The following MED20 variants were observed in gnomAD, a reference collection of about 807,000 sequenced individuals.
MED20 encodes the protein mediator of RNA polymerase II transcription subunit 20.
Under a neutral mutation model 19.7 loss-of-function variants are expected in MED20, and 19 were observed. The observed-to-expected ratio is 0.96, with a 90% confidence interval of 0.67 to 1.42. The LOEUF (loss-of-function observed/expected upper bound fraction) is 1.42, where lower values mean the gene tolerates loss of function less well. Ranked by LOEUF, MED20 falls within the 40% of genes most tolerant of loss-of-function variation. MED20 has a pLI of 0.00. For synonymous variants in MED20, 105 were observed against 104.8 expected (o/e 1.00, Z -0.01); for missense variants, 225 against 273.0 (o/e 0.82, Z 1.24).
In MED20 at chr6:41,907,111, G is replaced by A; in HGVS notation, c.600C>T (p.Ile200=). 6.2e-7 allele frequency: 1 copy of A among 1,614,002 alleles called. No homozygotes were observed. Among genetic ancestry groups the A allele is most frequent in the Non-Finnish European group, 8.5e-7 (1 of 1,180,016 alleles). Reference sequence around the variant, plus strand: ...CCACCGGCACCTGCTGCTGCTTGCGGATCTTGTTGAAGAGTTCCATGTACT... The same window carrying A: ...CCACCGGCACCTGCTGCTGCTTGCGAATCTTGTTGAAGAGTTCCATGTACT... ...MVQYMELFNK[I]RKQQQVPVAG... Residue 200 remains isoleucine, a synonymous_variant, in exon 4 of 4, where the codon ATC becomes ATT. Transcript: ENST00000265350.
At chr6:41,909,768 G>A (rs1195034566) in intron 2 of MED20, among the ~76,000 whole-genome samples, 3 of 152,186 alleles carry the variant, frequency 2.0e-5, no homozygotes, top group Non-Finnish European at 4.4e-5. Flanking sequence ...GGCACACAGG[G>A]AACTTTAATA....
At chr6:41,912,121 TC>T (rs1339338527) in intron 2 of MED20, among the ~76,000 whole-genome samples, 1 of 150,350 alleles carries the variant, frequency 6.7e-6, no homozygotes, top group Non-Finnish European at 1.5e-5. Flanking sequence ...TGAACACAGC[TC>T]ACTGAAGCCT....
Position 41,921,104 on chromosome 6 carries a change from C to G in MED20, c.-86G>C. ...CACAGAAACTCCTTCAGTTCCCCAA[C>G]ACAACCTTCTGTCTCAGAAGGGACT... On this transcript the variant is annotated 5_prime_UTR_variant, in exon 1 of 4. Coordinates refer to ENST00000265350, the MANE Select transcript of MED20 (RefSeq NM_004275.5). 1 of 1,554,874 alleles carries G rather than the reference C, an allele frequency of 6.4e-7. No homozygotes were observed. The highest frequency in any genetic ancestry group is 8.8e-7 in the Non-Finnish European group (1 of 1,138,682).
In MED20 at chr6:41,907,176, T is replaced by C; in HGVS notation, c.535A>G (p.Arg179Gly). Residue 179 changes from arginine (R) to glycine (G), a missense_variant, in exon 4 of 4, where the codon AGA becomes GGA. Coordinates refer to ENST00000265350, the MANE Select transcript of MED20 (RefSeq NM_004275.5). Reference protein sequence around the residue: ...TPGAPAVFGNRHDAVYGPADT... With the variant: ...TPGAPAVFGNGHDAVYGPADT... ...GCTGGGCCGTAGACCGCATCATGTC[T>C]GTTCCCAAACACTGCGGGAGCCCCT... 1.9e-6 allele frequency: 3 copies of C among 1,614,150 alleles called. No individual in the cohort carries two copies. In the South Asian group the frequency reaches 3.3e-5, roughly 18 times the overall value.
Position 41,905,703 on chromosome 6 carries a change from G to C in MED20, c.*1369C>G, listed in dbSNP as rs1775028845. The C allele has an allele frequency of 6.6e-6, 1 of 152,274 alleles. No homozygotes were observed. The highest frequency in any genetic ancestry group is 1.9e-4 in the East Asian group (1 of 5,202). The allele number at this position is 152,274 out of a possible 1,614,324, so 9.4% of individuals were successfully genotyped here. A position where few individuals can be genotyped will look rare whatever the true frequency, so the allele number is the denominator to read the frequency against. ...GTTAACCTGGATGAATATTTCTGCA[G>C]CAGGCATGGGGTAGGCAGGCAATAT... On this transcript the variant is annotated 3_prime_UTR_variant, in exon 4 of 4. Transcript: ENST00000265350.
intron 1 of MED20, among the ~76,000 whole-genome samples, chr6:41,920,352 G>A (rs937457973): frequency 6.6e-6 from 1 of 152,248 alleles, no homozygotes; most frequent in Non-Finnish European, 1.5e-5. Flanking sequence ...GATGGCTGAG[G>A]GAAGAGCAGG....
Position 41,909,474 on chromosome 6 carries a change from A to T in MED20, c.218T>A (p.Leu73Ter). The change falls in exon 3 of 4, where the codon TTG becomes TAG. Residue 73 changes from leucine (L) to a stop codon, truncating the protein, a stop_gained. Transcript: ENST00000265350. LOFTEE classifies it high-confidence loss of function. ...MYVMHNSEYP[L>*]SCFALFENGP... is the part of the protein sequence containing the mutation. ...ATTCTCAAAGAGGGCGAAACAGCTC[A>T]ATGGGTACTCTGAGTTGTGCATCAC... 1 of 1,614,258 alleles carries T rather than the reference A, an allele frequency of 6.2e-7. No homozygotes were observed. The highest frequency in any genetic ancestry group is 8.5e-7 in the Non-Finnish European group (1 of 1,180,044).
intron 2 of MED20, among the ~76,000 whole-genome samples, chr6:41,916,066 G>A (rs750044483): frequency 6.6e-6 from 1 of 151,670 alleles, no homozygotes; most frequent in Non-Finnish European, 1.5e-5. Flanking sequence ...GGTCAACATA[G>A]GGAGACCCTG....
At chr6:41,916,990 C>A in intron 1 of MED20, 51 bp from the exon 2 acceptor site, 2 of 1,601,102 alleles carry the variant, frequency 1.2e-6, no homozygotes, top group South Asian at 2.2e-5. Flanking sequence ...CACGTGTGCT[C>A]ACTGAGCCAT....
At chr6:41,911,004 G>A (rs193059801) in intron 2 of MED20, among the ~76,000 whole-genome samples, 14 of 151,682 alleles carry the variant, frequency 9.2e-5, no homozygotes, top group Non-Finnish European at 1.9e-4. Flanking sequence ...AGCTACTCGG[G>A]AGGCTGAGGC....
intron 1 of MED20, among the ~76,000 whole-genome samples, chr6:41,919,009 G>A (rs1326139946): frequency 1.3e-5 from 2 of 148,280 alleles, no homozygotes; most frequent in African/African-American, 2.5e-5. Flanking sequence ...GGCGCCTGTA[G>A]TCCCAGCTAC....
Position 41,906,480 on chromosome 6 carries a change from G to A in MED20, c.*592C>T, listed in dbSNP as rs368613754. 2.6e-5 allele frequency: 4 copies of A among 152,728 alleles called. No individual in the cohort carries two copies. In the East Asian group the frequency reaches 7.7e-4, roughly 29 times the overall value. 9.5% of individuals were successfully genotyped at this position (152,728 alleles called of 1,614,324 possible). ...GCTTAACATATTTCACAACAGAAGGGAAAGATGTCAGAAGGAGATTTCAAA... is the reference window on the plus strand; with the variant it reads ...GCTTAACATATTTCACAACAGAAGGAAAAGATGTCAGAAGGAGATTTCAAA... On this transcript the variant is annotated 3_prime_UTR_variant, in exon 4 of 4. Transcript: ENST00000265350.
At chr6:41,914,453 A>G (rs1775266100) in intron 2 of MED20, among the ~76,000 whole-genome samples, 1 of 152,220 alleles carries the variant, frequency 6.6e-6, no homozygotes, top group Non-Finnish European at 1.5e-5. Flanking sequence ...GGAAACAGTA[A>G]CAGATAGGTT....
intron 2 of MED20, among the ~76,000 whole-genome samples, chr6:41,914,671 A>T (rs1775271364): frequency 6.6e-6 from 1 of 151,918 alleles, no homozygotes. Context: ...GTGAGCTGTG[A>T]TCATGCTACT....
chr6:41,906,959 G>C lies in MED20; in HGVS notation c.*113C>G, dbSNP rs2127373128. On this transcript the variant is annotated 3_prime_UTR_variant, in exon 4 of 4. Coordinates refer to ENST00000265350, the MANE Select transcript of MED20 (RefSeq NM_004275.5). ...GCCACAGCTGAGAACCAGAGAAGGAGAGTAGAGTCCATGTCTACCCTGGGT... is the reference window on the plus strand; with the variant it reads ...GCCACAGCTGAGAACCAGAGAAGGACAGTAGAGTCCATGTCTACCCTGGGT... 1 of 895,130 alleles carries C rather than the reference G, an allele frequency of 1.1e-6. No individual in the cohort carries two copies. The highest frequency in any genetic ancestry group is 1.7e-6 in the Non-Finnish European group (1 of 578,290). The allele number at this position is 895,130 out of a possible 1,614,324, so 55.4% of individuals were successfully genotyped here.
chr6:41,916,570 A>T (rs923215846), intron 2 of MED20, among the ~76,000 whole-genome samples: 2 of 152,150 alleles, frequency 1.3e-5, no homozygotes, highest in Non-Finnish European at 2.9e-5. Context: ...ACAAGAGCAA[A>T]GCTCCATCTC....
At chr6:41,916,258 TAAATAAAATA>T (rs58508326) in intron 2 of MED20, among the ~76,000 whole-genome samples, 39,756 of 148,090 alleles carry the variant, frequency 0.27, 5,625 homozygotes, top group African/African-American at 0.37. Context: ...CTCAAAAAAA[TAAATAAAATA>T]AAATAAAATA....
chr6:41,920,112 C>T (rs759242923), intron 1 of MED20, among the ~76,000 whole-genome samples: 9 of 152,184 alleles, frequency 5.9e-5, no homozygotes, highest in African/African-American at 9.7e-5. Flanking sequence ...TGGACCCATA[C>T]CTTTCCCTGC....
At position 41,921,111 on chromosome 6, in the gene MED20, T is replaced by A; in HGVS notation, c.-93A>T. On this transcript the variant is annotated 5_prime_UTR_variant, in exon 1 of 4. In the 5' UTR this introduces an upstream ATG that the reference lacks. Coordinates refer to ENST00000265350, the MANE Select transcript of MED20 (RefSeq NM_004275.5). ...ACTCCTTCAGTTCCCCAACACAACC[T>A]TCTGTCTCAGAAGGGACTCCGGAAA... 6.5e-7 allele frequency: 1 copy of A among 1,534,474 alleles called. No homozygotes were observed.
Sources: allele counts gnomAD v4.1 joint callset (sites outside exome capture counted in the v4.1 genomes callset), GRCh38; gene constraint gnomAD v4.1.1; transcripts MANE v1.5; gene names NCBI Gene and HGNC (gene_info 2026-07-23, HGNC 2026-07-21).